Variants in SYTL2 observed in about 807,000 individuals in gnomAD.
The protein encoded by SYTL2 is synaptotagmin-like protein 2.
A neutral mutation model predicts 198.7 loss-of-function variants in SYTL2; 165 were observed. The observed-to-expected ratio is 0.83, with a 90% CI of 0.73 to 0.94. SYTL2 has a LOEUF of 0.94. SYTL2 is among the 40% of genes least tolerant of loss of function. The probability of loss-of-function intolerance (pLI) is 0.00; values close to 1 mark genes in which losing one functional copy is unlikely to be tolerated. For missense variants in SYTL2, 2,835 were observed against 2,582.8 expected (o/e 1.10, Z -2.12); for synonymous variants, 966 against 917.7 (o/e 1.05, Z -0.95).
the SYTL2 span, among the ~76,000 whole-genome samples, chr11:85,848,365 G>A: frequency 6.6e-6 from 1 of 150,886 alleles, no homozygotes; most frequent in Non-Finnish European, 1.5e-5. Context: ...TGTTTTTTGT[G>A]TCCTATATAA....
chr11:85,815,547 G>C (rs77462294), upstream of SYTL2, among the ~76,000 whole-genome samples: 133 of 152,258 alleles, frequency 8.7e-4, 1 homozygote, highest in African/African-American at 3.0e-3. Context: ...AACTTCTACA[G>C]CTCTTTGTAT....
the SYTL2 span, among the ~76,000 whole-genome samples, chr11:85,846,236 C>T: frequency 2.0e-5 from 3 of 152,070 alleles, no homozygotes; most frequent in Non-Finnish European, 2.9e-5. Context: ...AGCAAGTATC[C>T]CAAAAGAACC....
chr11:85,782,326 CT>C (rs755838027), intron 1 of SYTL2, among the ~76,000 whole-genome samples: 35 of 152,178 alleles, frequency 2.3e-4, no homozygotes, highest in Admixed American at 1.2e-3. Context: ...GTCCTAGAGG[CT>C]GCACACAGCA....
intron 13 of SYTL2, among the ~76,000 whole-genome samples, chr11:85,710,238 T>A (rs1465981949): frequency 6.6e-6 from 1 of 152,118 alleles, no homozygotes; most frequent in Admixed American, 6.5e-5. Flanking sequence ...ATGTTACCCA[T>A]CCACTGAATC....
intron 2 of SYTL2, among the ~76,000 whole-genome samples, chr11:85,756,852 T>C (rs898208059): frequency 3.3e-5 from 5 of 152,226 alleles, no homozygotes; most frequent in Non-Finnish European, 5.9e-5. Context: ...ACATATCTTA[T>C]GCTCCTTTTG....
intron 8 of SYTL2, among the ~76,000 whole-genome samples, chr11:85,722,170 ATTTTTTTTT>A (rs574669583): frequency 1.1e-5 from 1 of 94,634 alleles, no homozygotes; most frequent in East Asian, 3.1e-4. Context: ...TGTTTAGGTG[ATTTTTTTTT>A]TTTTTTTTTT....
At chr11:85,791,166 CAAAAAAAAAAAAAAAA>C (rs568061365) in intron 1 of SYTL2, among the ~76,000 whole-genome samples, 8 of 39,530 alleles carry the variant, frequency 2.0e-4, no homozygotes, top group South Asian at 1.9e-3. Flanking sequence ...GAGTCTGCCT[CAAAAAAAAAAAAAAAA>C]AAAAAAAAAA....
Position 85,727,746 on chromosome 11 carries a change from A to G in SYTL2, c.1612T>C (p.Phe538Leu). 1 of 1,556,274 alleles carries G rather than the reference A, an allele frequency of 6.4e-7. No homozygotes were observed. Among genetic ancestry groups the G allele is most frequent in the South Asian group, 1.2e-5 (1 of 84,498 alleles). The change falls in exon 8 of 20, where the codon TTC (phenylalanine) becomes CTC (leucine). Residue 538 changes from phenylalanine to leucine, a missense_variant. By Grantham distance (22) the Phe-to-Leu change is conservative. Around this residue, in one of 3 missense-constraint regions of SYTL2, gnomAD observed 2,645 missense variants for 2,381.7 expected, o/e 1.11. Coordinates refer to ENST00000359152, the MANE Select transcript of SYTL2 (RefSeq NM_206927.4). ...TCTATTCCTCGGGGATGTTGGAGGA[A>G]TGACTTATTGTCATCTGAATAAGAA... is the stretch of plus-strand genomic sequence containing the variant. ...RSSYSDDNKS[F>L]LQHPRGIESK...
the SYTL2 span, among the ~76,000 whole-genome samples, chr11:85,851,265 T>C: frequency 6.6e-6 from 1 of 152,252 alleles, no homozygotes; most frequent in Non-Finnish European, 1.5e-5. Context: ...AACAAAGTTA[T>C]TGGACAGGAA....
intron 18 of SYTL2, among the ~76,000 whole-genome samples, chr11:85,696,656 C>T (rs1248929080): frequency 4.6e-5 from 7 of 152,156 alleles, no homozygotes; most frequent in South Asian, 2.1e-4. Context: ...CTCAACCTTA[C>T]GGACACTTGC....
intron 1 of SYTL2, among the ~76,000 whole-genome samples, chr11:85,787,469 A>G (rs773199759): frequency 8.5e-5 from 13 of 152,148 alleles, no homozygotes; most frequent in Non-Finnish European, 1.8e-4. Context: ...CTAAAGATCA[A>G]ACTTTGCTTA....
At chr11:85,744,714 G>A (rs899374940) in intron 4 of SYTL2, among the ~76,000 whole-genome samples, 3 of 152,126 alleles carry the variant, frequency 2.0e-5, no homozygotes, top group African/African-American at 4.8e-5. Context: ...CATCCCACCA[G>A]TAAATTCATC....
intron 15 of SYTL2, among the ~76,000 whole-genome samples, chr11:85,706,716 T>C (rs1230278577): frequency 6.6e-6 from 1 of 152,198 alleles, no homozygotes; most frequent in Non-Finnish European, 1.5e-5. Flanking sequence ...TTAAGAAAGA[T>C]GGCTTTGACC....
chr11:85,766,858 G>C (rs1020805320), intron 1 of SYTL2, among the ~76,000 whole-genome samples: 1 of 152,146 alleles, frequency 6.6e-6, no homozygotes, highest in South Asian at 2.1e-4. Flanking sequence ...AGAGAAGTAC[G>C]ATCTCTGTCA....
chr11:85,762,458 A>G (rs2092123056), intron 1 of SYTL2, among the ~76,000 whole-genome samples: 1 of 152,184 alleles, frequency 6.6e-6, no homozygotes, highest in Non-Finnish European at 1.5e-5. Context: ...TCTAAAACTC[A>G]GTTCTGACCA....
intron 3 of SYTL2, among the ~76,000 whole-genome samples, chr11:85,747,320 C>T (rs2091221318): frequency 1.3e-5 from 2 of 151,746 alleles, no homozygotes; most frequent in South Asian, 4.1e-4. Flanking sequence ...AAAAATAATG[C>T]CATGATATAA....
intron 1 of SYTL2, among the ~76,000 whole-genome samples, chr11:85,802,427 A>G (rs2008890): frequency 0.46 from 69,297 of 151,768 alleles, 16,636 homozygotes; most frequent in African/African-American, 0.6. Context: ...CAATGCACCC[A>G]GCCCTCAGTC....
chr11:85,853,187 C>T, the SYTL2 span: 1 of 404,092 alleles, frequency 2.5e-6, no homozygotes, highest in Non-Finnish European at 4.9e-6. Flanking sequence ...GAGAACAGGC[C>T]ATGATGACAA....
intron 1 of SYTL2, among the ~76,000 whole-genome samples, chr11:85,778,112 C>T (rs1261452108): frequency 6.6e-6 from 1 of 152,140 alleles, no homozygotes; most frequent in Non-Finnish European, 1.5e-5. Context: ...AACCATCATG[C>T]CCGGCCGGTC....
Sources: gnomAD v4.1 joint callset for allele counts (sites outside exome capture counted in the v4.1 genomes callset) on GRCh38, gnomAD v4.1.1 for gene constraint, gnomAD v4.1.1 regional missense constraint, MANE v1.5 for transcripts, NCBI Gene and HGNC (gene_info 2026-07-23, HGNC 2026-07-21) for gene names.